Variants in KIF1B observed in about 807,000 individuals in gnomAD.
KIF1B encodes the protein kinesin-like protein KIF1B.
Under a neutral mutation model 241.9 loss-of-function variants are expected in KIF1B, and 76 were observed. The ratio of observed to expected loss-of-function variants is 0.31; its 90% CI spans 0.26 to 0.38. The LOEUF (loss-of-function observed/expected upper bound fraction) is 0.38. Among genes scored for constraint, KIF1B ranks in the 10% least tolerant of loss-of-function variants. The pLI is 1.00. For missense variants in KIF1B, 1,622 were observed against 2,271.4 expected (o/e 0.71, Z 5.81); for synonymous variants, 750 against 796.7 (o/e 0.94, Z 0.99).
intron 22 of KIF1B, among the ~76,000 whole-genome samples, chr1:10,298,801 C>T (rs191271676): frequency 4.1e-4 from 63 of 152,074 alleles, no homozygotes; most frequent in African/African-American, 1.5e-3. Flanking sequence ...CTCAAAACAA[C>T]CCTCTTTGTT....
At chr1:10,247,130 G>A (rs1647229674) in intron 2 of KIF1B, among the ~76,000 whole-genome samples, 1 of 152,204 alleles carries the variant, frequency 6.6e-6, no homozygotes, top group Non-Finnish European at 1.5e-5. Flanking sequence ...CTCCCAAAGT[G>A]CTAGGATTAC....
intron 1 of KIF1B, among the ~76,000 whole-genome samples, chr1:10,222,889 G>C (rs927790910): frequency 6.6e-6 from 1 of 152,156 alleles, no homozygotes; most frequent in African/African-American, 2.4e-5. Context: ...TTCTGCTCTG[G>C]CTTTCAAAAC....
chr1:10,363,370 G>C (rs1285621285), intron 41 of KIF1B, 26 bp downstream of exon 41: 1 of 1,572,118 alleles, frequency 6.4e-7, no homozygotes, highest in East Asian at 2.2e-5. Flanking sequence ...TTGAGGAGGT[G>C]ATAGTTATCT....
At chr1:10,266,983 T>C (rs1017966385) in intron 5 of KIF1B, among the ~76,000 whole-genome samples, 4 of 152,066 alleles carry the variant, frequency 2.6e-5, no homozygotes, top group Admixed American at 6.6e-5. Flanking sequence ...TTTTTCTGTA[T>C]GTGATTTCTT....
intron 2 of KIF1B, 35 bp from the exon 3 acceptor site, chr1:10,256,212 A>G (rs1647772049): frequency 1.6e-6 from 2 of 1,286,976 alleles, no homozygotes; most frequent in Non-Finnish European, 1.1e-6. Flanking sequence ...CTTGTAATTG[A>G]GTGACTTATA....
In KIF1B at chr1:10,303,967, C is replaced by G; in HGVS notation, c.2115+6721C>G. ...GCGCTGGATGAGGCAAGAGCAAATT[C>G]GGTTTAAGAACTTGCAACAGCAGGA... is the stretch of plus-strand genomic sequence containing the variant. On this transcript the variant is annotated intron_variant, in intron 22 of 48. Transcript: ENST00000676179. The surrounding 1 kb of genome is among the most constrained non-coding windows in gnomAD (Gnocchi z 5.2). 6.2e-7 allele frequency: 1 copy of G among 1,612,610 alleles called. No individual in the cohort carries two copies. Among genetic ancestry groups the G allele is most frequent in the Non-Finnish European group, 8.5e-7 (1 of 1,179,288 alleles).
intron 33 of KIF1B, 106 bp downstream of exon 33, chr1:10,342,274 G>A (rs1435545898): frequency 6.2e-6 from 5 of 807,078 alleles, no homozygotes; most frequent in Non-Finnish European, 1.1e-5. Flanking sequence ...AACTAAATAA[G>A]TATTCTATAT....
chr1:10,215,172 ATTTT>A (rs1166683802), intron 1 of KIF1B, among the ~76,000 whole-genome samples: 63 of 45,314 alleles, frequency 1.4e-3, no homozygotes, highest in African/African-American at 2.6e-3. Flanking sequence ...ATATATATAT[ATTTT>A]TTTTTTTTTT....
Position 10,323,791 on chromosome 1 carries a change from C to T in KIF1B, c.2359-93C>T, listed in dbSNP as rs796368898. The T allele has an allele frequency of 1.9e-5, 20 of 1,025,976 alleles. No homozygotes were observed. In the East Asian group the frequency reaches 2.6e-4, roughly 13 times the overall value. 63.6% of individuals were successfully genotyped at this position (1,025,976 alleles called of 1,614,324 possible). On this transcript the variant is annotated intron_variant, in intron 24 of 48. Coordinates refer to ENST00000676179, the MANE Select transcript of KIF1B (RefSeq NM_001365951.3). ...TCACAAGATATTTGTTGAGCACATT[C>T]GACCTCTTTCCCATTGGGTATGATT...
intron 7 of KIF1B, among the ~76,000 whole-genome samples, chr1:10,269,110 T>C (rs1553163774): frequency 6.6e-6 from 1 of 152,206 alleles, no homozygotes; most frequent in Non-Finnish European, 1.5e-5. Flanking sequence ...CTGGCAATTA[T>C]AAAAGATCCT....
chr1:10,338,973 C>A (rs978406117), intron 31 of KIF1B, among the ~76,000 whole-genome samples: 1 of 152,156 alleles, frequency 6.6e-6, no homozygotes, highest in Non-Finnish European at 1.5e-5. Flanking sequence ...TCTTTTTCTC[C>A]ATTTTTTCTT....
At chr1:10,258,187 A>G (rs1647909860) in intron 3 of KIF1B, among the ~76,000 whole-genome samples, 1 of 152,242 alleles carries the variant, frequency 6.6e-6, no homozygotes, top group Non-Finnish European at 1.5e-5. Context: ...GGCTGTGTGA[A>G]TGAAAGAGTG....
At chr1:10,239,672 G>C (rs1647106671) in intron 2 of KIF1B, among the ~76,000 whole-genome samples, 2 of 151,198 alleles carry the variant, frequency 1.3e-5, no homozygotes, top group South Asian at 4.2e-4. Context: ...CAGTGGCACA[G>C]TCTCGGCTCA....
At chr1:10,221,437 G>A (rs971509250) in intron 1 of KIF1B, among the ~76,000 whole-genome samples, 2 of 152,034 alleles carry the variant, frequency 1.3e-5, no homozygotes, top group African/African-American at 2.4e-5. Context: ...CTTCCACAGC[G>A]TGGCCCATGG....
chr1:10,252,587 T>C (rs1647522759), intron 2 of KIF1B, among the ~76,000 whole-genome samples: 2 of 151,640 alleles, frequency 1.3e-5, no homozygotes, highest in African/African-American at 4.8e-5. Context: ...AACTTTTGTA[T>C]TTTTTGTGGA....
chr1:10,339,203 CGCTT>C (rs1652297823), intron 31 of KIF1B, among the ~76,000 whole-genome samples: 1 of 152,040 alleles, frequency 6.6e-6, no homozygotes, highest in African/African-American at 2.4e-5. Context: ...TGTGGGAAAA[CGCTT>C]GCTGTCTGGG....
chr1:10,310,480 T>A (rs1651019545), intron 22 of KIF1B, among the ~76,000 whole-genome samples: 1 of 151,598 alleles, frequency 6.6e-6, no homozygotes, highest in African/African-American at 2.4e-5. Context: ...ATTGTTGTAG[T>A]ACGAAAGCAG....
chr1:10,367,478 C>T (rs1021857879), intron 43 of KIF1B, among the ~76,000 whole-genome samples: 5 of 151,728 alleles, frequency 3.3e-5, no homozygotes, highest in South Asian at 2.1e-4. Flanking sequence ...CTGAGGTGGG[C>T]GGATTGTGAG....
chr1:10,260,502 T>A (rs1029386179), intron 4 of KIF1B, among the ~76,000 whole-genome samples: 1 of 152,218 alleles, frequency 6.6e-6, no homozygotes, highest in Non-Finnish European at 1.5e-5. Flanking sequence ...TAAATTACTA[T>A]AACTTTTTTA....
Sources: allele counts gnomAD v4.1 joint callset (sites outside exome capture counted in the v4.1 genomes callset), GRCh38; gene constraint gnomAD v4.1.1; non-coding constraint Gnocchi (gnomAD v3.1); transcripts MANE v1.5; gene names NCBI Gene and HGNC (gene_info 2026-07-23, HGNC 2026-07-21).